GPC3: variants seen among roughly 807,000 people sequenced by gnomAD.
GPC3 encodes the protein glypican 3.
A neutral mutation model predicts 34.4 loss-of-function variants in GPC3; 3 were observed. The observed-to-expected ratio is 0.09, with a 90% CI of 0.04 to 0.23. The LOEUF is 0.23. Ranked by LOEUF, GPC3 falls within the 10% of genes least tolerant of loss-of-function variation. GPC3 has a pLI of 1.00. For synonymous variants in GPC3, 177 were observed against 174.0 expected (o/e 1.02, Z -0.13); for missense variants, 351 against 445.6 (o/e 0.79, Z 1.91).
chrX:133,911,648 A>G (rs986631389), intron 2 of GPC3, among the ~76,000 whole-genome samples: 2 of 111,917 alleles, frequency 1.8e-5, no homozygotes, highest in East Asian at 5.6e-4. Context: ...CAATGGGGCT[A>G]TACTTCCTTG....
chrX:133,726,804 G>A (rs1391381596), intron 3 of GPC3, among the ~76,000 whole-genome samples: 1 of 111,943 alleles, frequency 8.9e-6, no homozygotes, highest in African/African-American at 3.2e-5. Context: ...GTAAAAGCTG[G>A]AGCACCCATG....
In GPC3 at chrX:133,728,341, GAGA is replaced by G. The variant is rs1299533631; in HGVS notation, c.1032+25138_1032+25140del. Among the ~76,000 whole-genome samples, 17 of 25,066 alleles carry G rather than the reference GAGA, an allele frequency of 6.8e-4. No individual in the cohort carries two copies. In the Middle Eastern group the frequency reaches 0.051, roughly 75 times the overall value. The allele number at this position is 25,066 out of a possible 115,157, so 21.8% of individuals were successfully genotyped here. A position where few individuals can be genotyped will look rare whatever the true frequency, so the allele number is the denominator to read the frequency against. On this transcript the variant is annotated intron_variant, in intron 3 of 7. Coordinates refer to ENST00000370818, the MANE Select transcript of GPC3 (RefSeq NM_004484.4). ...CAGTGCATTTTTCTTGAAGAAGAATGAGAAGGAGAAGGAGAAAGGAGGAGGGAA... is the reference window on the plus strand; with the variant it reads ...CAGTGCATTTTTCTTGAAGAAGAATGAGGAGAAGGAGAAAGGAGGAGGGAA...
chrX:133,654,712 A>C (rs1716306769), intron 6 of GPC3, among the ~76,000 whole-genome samples: 1 of 97,564 alleles, frequency 1.0e-5, no homozygotes, highest in African/African-American at 5.0e-5. Context: ...ACTCCGTCTC[A>C]AAAAACAAAA....
chrX:133,836,380 T>C, intron 2 of GPC3, among the ~76,000 whole-genome samples: 1 of 112,224 alleles, frequency 8.9e-6, no homozygotes, highest in Non-Finnish European at 1.9e-5. Context: ...ATCTTTTGGC[T>C]GGCTTCATGG....
At chrX:133,814,636 C>T (rs2075681022) in intron 2 of GPC3, among the ~76,000 whole-genome samples, 1 of 110,705 alleles carries the variant, frequency 9.0e-6, no homozygotes, top group South Asian at 3.9e-4. Context: ...GGCGTGATCT[C>T]GGCTCACTGC....
intron 7 of GPC3, among the ~76,000 whole-genome samples, chrX:133,566,321 A>G (rs2069582140): frequency 8.9e-6 from 1 of 111,938 alleles, no homozygotes; most frequent in Non-Finnish European, 1.9e-5. Flanking sequence ...TGATGGATTC[A>G]GACATGCAGC....
rs1569408591 is a variant in GPC3 at position 133,661,573 on chromosome X, TCTCTCTC to T, written c.1413+150_1413+156del. Among the ~76,000 whole-genome samples, 21 of 5,152 alleles carry T rather than the reference TCTCTCTC, an allele frequency of 4.1e-3. 1 individual carries two copies. Among genetic ancestry groups the T allele is most frequent in the African/African-American group, 0.014 (21 of 1,532 alleles). The allele number at this position is 5,152 out of a possible 115,157, so 4.5% of individuals were successfully genotyped here. ...GAAGCTGGCTATATCTCTCTTTCTC[TCTCTCTC>T]TCTCTCTCTCTCTCTCTCTCTCTCT... On this transcript the variant is annotated intron_variant, in intron 6 of 7. Coordinates refer to ENST00000370818, the MANE Select transcript of GPC3 (RefSeq NM_004484.4).
chrX:133,784,344 ACCCCAG>A (rs2072081527), intron 2 of GPC3, among the ~76,000 whole-genome samples: 1 of 111,897 alleles, frequency 8.9e-6, no homozygotes, highest in African/African-American at 3.2e-5. Context: ...AAGGGGAAAA[ACCCCAG>A]CCTTTACCTG....
At chrX:133,676,142 T>C (rs759201176) in intron 5 of GPC3, among the ~76,000 whole-genome samples, 17 of 111,970 alleles carry the variant, frequency 1.5e-4, no homozygotes, top group African/African-American at 5.5e-4. Flanking sequence ...GCTGCCGTGG[T>C]TGCTGGAAGG....
intron 3 of GPC3, among the ~76,000 whole-genome samples, chrX:133,735,559 C>T (rs1407231178): frequency 2.7e-5 from 3 of 111,564 alleles, no homozygotes; most frequent in Non-Finnish European, 1.9e-5. Context: ...GCAGTGATTT[C>T]TTAGATATGA....
At chrX:133,691,399 T>C (rs1289160699) in intron 5 of GPC3, among the ~76,000 whole-genome samples, 4 of 109,103 alleles carry the variant, frequency 3.7e-5, no homozygotes, top group Non-Finnish European at 7.6e-5. Context: ...CTCGGGAGGC[T>C]GAGGTGGGAG....
chrX:133,627,153 G>A (rs1166436981), intron 6 of GPC3, among the ~76,000 whole-genome samples: 5 of 76,449 alleles, frequency 6.5e-5, no homozygotes, highest in Non-Finnish European at 1.2e-4. Context: ...ATCACACACT[G>A]AGGCCTGTCG....
At chrX:133,916,106 C>T (rs1028458823) in intron 2 of GPC3, among the ~76,000 whole-genome samples, 24 of 103,620 alleles carry the variant, frequency 2.3e-4, no homozygotes, top group Non-Finnish European at 4.5e-4. Flanking sequence ...GATCACACCA[C>T]TGCACCCCAG....
At chrX:133,655,911 T>A (rs1304080458) in intron 6 of GPC3, among the ~76,000 whole-genome samples, 1 of 112,509 alleles carries the variant, frequency 8.9e-6, no homozygotes, top group Non-Finnish European at 1.9e-5. Context: ...TAACTTTCTA[T>A]TTCAAAAGTT....
At chrX:133,884,539 C>T (rs1057028274) in intron 2 of GPC3, among the ~76,000 whole-genome samples, 2 of 111,166 alleles carry the variant, frequency 1.8e-5, no homozygotes, top group Non-Finnish European at 3.8e-5. Context: ...TCATAGCAAC[C>T]GTTTGAGATA....
intron 6 of GPC3, among the ~76,000 whole-genome samples, chrX:133,630,692 G>A (rs941076402): frequency 1.8e-5 from 2 of 111,698 alleles, no homozygotes; most frequent in African/African-American, 6.5e-5. Context: ...GATCTGAGAG[G>A]TGCTGGGTGG....
At position 133,967,608 on chromosome X, in the gene GPC3, T is replaced by G. The variant is rs142089597; in HGVS notation, c.176-14397A>C. Among the ~76,000 whole-genome samples, 849 of 112,169 alleles carry G rather than the reference T, an allele frequency of 7.6e-3. 5 individuals carry two copies. The highest frequency in any genetic ancestry group is 0.011 in the Non-Finnish European group (586 of 53,188). On this transcript the variant is annotated intron_variant, in intron 1 of 7. Coordinates refer to ENST00000370818, the MANE Select transcript of GPC3 (RefSeq NM_004484.4). ...AATATCTGCCTCATTTATTTTTTAGTTTTTTTGTTTGTTTGTTTTGTTTTG... is the reference window on the plus strand; with the variant it reads ...AATATCTGCCTCATTTATTTTTTAGGTTTTTTGTTTGTTTGTTTTGTTTTG...
intron 1 of GPC3, among the ~76,000 whole-genome samples, chrX:133,963,807 C>T (rs2076451493): frequency 8.9e-6 from 1 of 112,120 alleles, no homozygotes; most frequent in African/African-American, 3.2e-5. Flanking sequence ...GCCTAGTGTC[C>T]AGTACATAGT....
intron 2 of GPC3, among the ~76,000 whole-genome samples, chrX:133,873,865 G>C (rs1205137955): frequency 1.8e-5 from 2 of 111,569 alleles, no homozygotes; most frequent in Admixed American, 9.5e-5. Flanking sequence ...GCTAATAGTT[G>C]AAAATACACA....
Sources: gnomAD v4.1 joint callset for allele counts (sites outside exome capture counted in the v4.1 genomes callset) on GRCh38, gnomAD v4.1.1 for gene constraint, MANE v1.5 for transcripts, NCBI Gene and HGNC (gene_info 2026-07-23, HGNC 2026-07-21) for gene names.